The following STARD13 variants were observed in gnomAD, a reference collection of about 807,000 sequenced individuals.
STARD13 encodes the protein StAR related lipid transfer domain containing 13.
Under a neutral mutation model 106.4 loss-of-function variants are expected in STARD13, and 62 were observed. The observed-to-expected ratio is 0.58, with a 90% confidence interval of 0.48 to 0.72. STARD13 has a LOEUF of 0.72. Among genes scored for constraint, STARD13 ranks in the 30% least tolerant of loss-of-function variants. STARD13 has a pLI of 0.00. For synonymous variants in STARD13, 565 were observed against 553.0 expected, an observed-to-expected ratio of 1.02 and a Z score of -0.31; for missense variants, 1,387 against 1,424.0, an observed-to-expected ratio of 0.97 and a Z score of 0.42.
At chr13:33,119,441 C>T (rs989159585) in intron 7 of STARD13, among the ~76,000 whole-genome samples, 3 of 152,118 alleles carry the variant, frequency 2.0e-5, no homozygotes, top group Non-Finnish European at 2.9e-5. Flanking sequence ...TAATACAGGT[C>T]GTCTTACTGA....
At chr13:33,281,184 C>T (rs1209474112) in intron 1 of STARD13, 2 of 152,110 alleles carry the variant, frequency 1.3e-5, no homozygotes, top group African/African-American at 4.8e-5. Context: ...AACCAAAGGT[C>T]CAGTGAAGCT....
At chr13:33,153,876 C>T (rs1593984510) in intron 3 of STARD13, among the ~76,000 whole-genome samples, 1 of 152,210 alleles carries the variant, frequency 6.6e-6, no homozygotes, top group East Asian at 1.9e-4. Context: ...TGTCCTAGCC[C>T]GGCCTGCTGG....
chr13:33,236,329 G>A (rs904160206), intron 1 of STARD13, among the ~76,000 whole-genome samples: 2 of 152,134 alleles, frequency 1.3e-5, no homozygotes, highest in Admixed American at 6.5e-5. Flanking sequence ...CTCCTCAAAC[G>A]CCTTGTTAGT....
chr13:33,588,191 T>C, the STARD13 span, among the ~76,000 whole-genome samples: 1 of 152,332 alleles, frequency 6.6e-6, no homozygotes, highest in Middle Eastern at 3.4e-3. Context: ...TGTGTAAGAC[T>C]ATATCTTATT....
chr13:33,539,826 T>C, the STARD13 span, among the ~76,000 whole-genome samples: 1 of 152,148 alleles, frequency 6.6e-6, no homozygotes, highest in Non-Finnish European at 1.5e-5. Context: ...CCTACAAATA[T>C]ACAACTTACA....
the STARD13 span, among the ~76,000 whole-genome samples, chr13:33,599,122 G>A: frequency 6.6e-6 from 1 of 152,096 alleles, no homozygotes; most frequent in African/African-American, 2.4e-5. Context: ...ATCATATTGC[G>A]CTGGGTTTTA....
At chr13:33,575,008 T>C in the STARD13 span, among the ~76,000 whole-genome samples, 2 of 148,466 alleles carry the variant, frequency 1.3e-5, no homozygotes, top group Non-Finnish European at 3.0e-5. Flanking sequence ...CCTCTGCCTC[T>C]CAGGTTCAAG....
At chr13:33,268,049 T>A (rs901321436) in intron 1 of STARD13, among the ~76,000 whole-genome samples, 1 of 152,224 alleles carries the variant, frequency 6.6e-6, no homozygotes, top group African/African-American at 2.4e-5. Flanking sequence ...AGAGTAGGCA[T>A]TATCAAAGGT....
chr13:33,450,214 G>A, the STARD13 span, among the ~76,000 whole-genome samples: 823 of 152,278 alleles, frequency 5.4e-3, 31 homozygotes, highest in Admixed American at 0.044. Flanking sequence ...GATGTTGGCC[G>A]TGAGTTTGTT....
chr13:33,163,399 G>T (rs1167692514), intron 3 of STARD13, among the ~76,000 whole-genome samples: 1 of 151,466 alleles, frequency 6.6e-6, no homozygotes, highest in African/African-American at 2.4e-5. Flanking sequence ...AGACCAGCCT[G>T]GCCAACATGG....
Position 33,105,710 on chromosome 13 carries a change from T to A in STARD13, c.3225A>T (p.Lys1075Asn). 6.2e-7 allele frequency: 1 copy of A among 1,610,106 alleles called. No individual in the cohort carries two copies. The highest frequency in any genetic ancestry group is 8.5e-7 in the Non-Finnish European group (1 of 1,176,468). ...TGCTGTACCATTCTGGGGAGTGACC[T>A]CTGTGGGGAAAGAAATCAGAAAGGA... The part of the protein sequence containing the change: ...RLTHICRIDL[K>N]GHSPEWYSKG... The change falls in exon 14 of 14, where the codon AAA (lysine) becomes AAT (asparagine). Residue 1075 changes from lysine (K) to asparagine (N), a missense_variant and splice_region_variant. Physicochemically the swap from Lys to Asn is moderately conservative, Grantham distance 94. Coordinates refer to ENST00000336934, the MANE Select transcript of STARD13 (RefSeq NM_178006.4).
the STARD13 span, among the ~76,000 whole-genome samples, chr13:33,417,306 T>C: frequency 6.6e-6 from 1 of 152,188 alleles, no homozygotes; most frequent in Admixed American, 6.5e-5. Context: ...ATTTTGGAAA[T>C]AGTTTGGCTT....
At chr13:33,138,946 A>G (rs1879446698) in intron 4 of STARD13, 1 of 436,882 alleles carries the variant, frequency 2.3e-6, no homozygotes, top group Non-Finnish European at 4.6e-6. Context: ...CATTTCATGT[A>G]TAAGAAAGGT....
At chr13:33,359,133 CACTGTGGAA>C in the STARD13 span, among the ~76,000 whole-genome samples, 1,235 of 98,440 alleles carry the variant, frequency 0.013, 15 homozygotes, top group East Asian at 0.14. Flanking sequence ...TTGCCTTCCA[CACTGTGGAA>C]GCGTTGTTTT....
chr13:33,209,210 G>A (rs1303254829), intron 1 of STARD13, among the ~76,000 whole-genome samples: 1 of 152,150 alleles, frequency 6.6e-6, no homozygotes, highest in Admixed American at 6.5e-5. Flanking sequence ...GCTGTGCAGT[G>A]TACAACCTAC....
At chr13:33,398,742 G>C in the STARD13 span, among the ~76,000 whole-genome samples, 5 of 152,116 alleles carry the variant, frequency 3.3e-5, no homozygotes, top group Non-Finnish European at 7.4e-5. Context: ...AAACCACAAT[G>C]AGATACCACT....
At chr13:33,336,910 G>A (rs2077903777) in intron 1 of STARD13, among the ~76,000 whole-genome samples, 1 of 152,028 alleles carries the variant, frequency 6.6e-6, no homozygotes, top group South Asian at 2.1e-4. Context: ...AAAAGTAATT[G>A]TGGTTTTTGC....
intron 1 of STARD13, among the ~76,000 whole-genome samples, chr13:33,224,860 A>G (rs1270923015): frequency 3.3e-5 from 5 of 152,184 alleles, no homozygotes; most frequent in South Asian, 2.1e-4. Context: ...TCTCGTAACT[A>G]TGCTTTTCTA....
At chr13:33,203,224 A>G (rs182466619) in intron 1 of STARD13, among the ~76,000 whole-genome samples, 1 of 128,986 alleles carries the variant, frequency 7.8e-6, no homozygotes, top group Non-Finnish European at 1.7e-5. Flanking sequence ...GTGCGTGGTG[A>G]TTCTCTGTAC....
Sources: gnomAD v4.1 joint callset for allele counts (sites outside exome capture counted in the v4.1 genomes callset) on GRCh38, gnomAD v4.1.1 for gene constraint, MANE v1.5 for transcripts, NCBI Gene and HGNC (gene_info 2026-07-23, HGNC 2026-07-21) for gene names.